GPHN: variants seen among roughly 807,000 people sequenced by gnomAD.
GPHN encodes gephyrin.
A neutral mutation model predicts 95.5 loss-of-function variants in GPHN; 17 were observed. That is an observed-to-expected ratio of 0.18 (90% CI 0.12 to 0.27). The LOEUF is 0.27. Among genes scored for constraint, GPHN ranks in the 10% least tolerant of loss-of-function variants. GPHN has a pLI of 1.00. For missense variants in GPHN, 660 were observed against 978.1 expected, an observed-to-expected ratio of 0.67 and a Z score of 4.34; for synonymous variants, 320 against 322.5, an observed-to-expected ratio of 0.99 and a Z score of 0.08.
At chr14:67,665,070 T>C in the GPHN span, among the ~76,000 whole-genome samples, 218 of 152,270 alleles carry the variant, frequency 1.4e-3, 1 homozygote, top group Admixed American at 4.0e-3. Flanking sequence ...TTTAACCATG[T>C]TGGCCAGGCT....
intron 9 of GPHN, among the ~76,000 whole-genome samples, chr14:66,971,843 GTTATA>G (rs112691943): frequency 0.015 from 2,304 of 152,184 alleles, 30 homozygotes; most frequent in Non-Finnish European, 0.018. Context: ...GACATATTTT[GTTATA>G]TTATATCAAA....
intron 9 of GPHN, among the ~76,000 whole-genome samples, chr14:66,988,608 ACGT>A (rs2071186646): frequency 6.6e-6 from 1 of 152,048 alleles, no homozygotes; most frequent in Admixed American, 6.6e-5. Flanking sequence ...GAACACCTTC[ACGT>A]AGCATCTTAC....
chr14:67,091,017 A>C (rs1408908543), intron 12 of GPHN, among the ~76,000 whole-genome samples: 2 of 151,920 alleles, frequency 1.3e-5, no homozygotes, highest in Non-Finnish European at 2.9e-5. Flanking sequence ...ATTTAATGAT[A>C]GTAACCATTA....
intron 4 of GPHN, among the ~76,000 whole-genome samples, chr14:66,855,577 C>G (rs1373660697): frequency 6.6e-6 from 1 of 152,112 alleles, no homozygotes. Flanking sequence ...GGGGATAGTG[C>G]TGTTGTGAAC....
the GPHN span, among the ~76,000 whole-genome samples, chr14:67,554,299 A>AAGGATT: frequency 6.6e-6 from 1 of 152,052 alleles, no homozygotes; most frequent in Non-Finnish European, 1.5e-5. Context: ...GGAAAGAGAG[A>AAGGATT]AGGATTGATC....
At chr14:66,780,917 G>A (rs1354331457) in intron 3 of GPHN, among the ~76,000 whole-genome samples, 1 of 152,062 alleles carries the variant, frequency 6.6e-6, no homozygotes, top group African/African-American at 2.4e-5. Context: ...GTTTGAATTT[G>A]ATATGCTACC....
the GPHN span, among the ~76,000 whole-genome samples, chr14:67,623,789 A>C: frequency 6.6e-6 from 1 of 151,988 alleles, no homozygotes; most frequent in East Asian, 1.9e-4. Flanking sequence ...TGATCTGCCC[A>C]TCTAGGCCTC....
chr14:67,663,099 C>A, the GPHN span: 5 of 1,507,528 alleles, frequency 3.3e-6, no homozygotes, highest in South Asian at 5.1e-5. Context: ...ATGACTTGAA[C>A]GATGAGAACG....
chr14:67,594,387 G>A, the GPHN span, among the ~76,000 whole-genome samples: 97 of 152,270 alleles, frequency 6.4e-4, no homozygotes, highest in African/African-American at 1.9e-3. Context: ...GGTGGCTCAC[G>A]CCTGTACTCC....
At chr14:66,956,322 A>C (rs756900459) in intron 8 of GPHN, among the ~76,000 whole-genome samples, 11 of 151,904 alleles carry the variant, frequency 7.2e-5, no homozygotes, top group Non-Finnish European at 1.3e-4. Flanking sequence ...TATTTCCTTT[A>C]TGATTTTCTC....
At chr14:67,359,578 C>T in the GPHN span, 1 of 1,497,306 alleles carries the variant, frequency 6.7e-7, no homozygotes, top group South Asian at 1.1e-5. Flanking sequence ...CAAGGACCCT[C>T]ACTGTGGCCC....
the GPHN span, chr14:67,600,176 T>G: frequency 6.3e-7 from 1 of 1,589,168 alleles, no homozygotes; most frequent in Non-Finnish European, 8.6e-7. Context: ...CCGCCGCAGA[T>G]ATCCGAAAAG....
intron 3 of GPHN, among the ~76,000 whole-genome samples, chr14:66,795,929 A>G (rs903214773): frequency 2.0e-5 from 3 of 152,042 alleles, no homozygotes; most frequent in Admixed American, 6.6e-5. Flanking sequence ...GGACTTATTC[A>G]TTCATTCTGT....
chr14:67,685,301 A>AT, the GPHN span: 86 of 921,954 alleles, frequency 9.3e-5, no homozygotes, highest in Admixed American at 1.7e-3. Context: ...TGACCTTCAC[A>AT]TATGGACTCT....
chr14:66,623,472 G>T (rs537929769), intron 1 of GPHN, among the ~76,000 whole-genome samples: 4 of 152,064 alleles, frequency 2.6e-5, no homozygotes, highest in South Asian at 2.1e-4. Context: ...ACAAAAATTG[G>T]CTGGGTGTGG....
rs41285476 is a variant in GPHN, at chr14:67,143,410, T to A, written c.1797T>A (p.Asp599Glu). ...TGAATGAGGGTATCAGTCGTGCTGA[T>A]GTCATCATCACATCAGGGGGTGTAT... ...NALNEGISRA[D>E]VIITSGGVSM... Residue 599 changes from aspartate to glutamate, a missense_variant, in exon 18 of 23, where the codon GAT (aspartate) becomes GAA (glutamate). Transcript: ENST00000478722. 3 of 1,610,782 alleles carry A rather than the reference T, an allele frequency of 1.9e-6. No individual in the cohort carries two copies. The highest frequency in any genetic ancestry group is 2.5e-6 in the Non-Finnish European group (3 of 1,177,066).
intron 8 of GPHN, among the ~76,000 whole-genome samples, chr14:66,961,900 G>GTATATATATATATATATATATA (rs767734322): frequency 1.9e-5 from 1 of 52,958 alleles, no homozygotes; most frequent in African/African-American, 5.4e-5. Context: ...CCCTGAATGT[G>GTATATATATATATATATATATA]TATATATATA....
the GPHN span, among the ~76,000 whole-genome samples, chr14:67,406,258 CAAA>C: frequency 5.6e-5 from 6 of 107,244 alleles, 1 homozygote; most frequent in African/African-American, 8.7e-5. Flanking sequence ...GATTCCATCT[CAAA>C]AAAAAAAAAA....
chr14:67,137,436 C>T (rs1195853517), intron 17 of GPHN, among the ~76,000 whole-genome samples: 1 of 151,790 alleles, frequency 6.6e-6, no homozygotes, highest in African/African-American at 2.4e-5. Flanking sequence ...TGAGCCACCA[C>T]GCCTGGCTGA....
Sources: allele counts gnomAD v4.1 joint callset (sites outside exome capture counted in the v4.1 genomes callset), GRCh38; gene constraint gnomAD v4.1.1; transcripts MANE v1.5; gene names NCBI Gene and HGNC (gene_info 2026-07-23, HGNC 2026-07-21).